HTR1E: variants seen among roughly 807,000 people sequenced by gnomAD.
HTR1E encodes the protein 5-HT-1E.
Under a neutral mutation model 3.4 loss-of-function variants are expected in HTR1E, and 3 were observed. The observed-to-expected ratio is 0.89, with a 90% CI of 0.41 to 2.31. The LOEUF (loss-of-function observed/expected upper bound fraction) is 2.31. HTR1E is among the 30% of genes most tolerant of loss of function. The pLI is 0.05. For missense variants in HTR1E, 392 were observed against 467.0 expected (o/e 0.84, Z 1.48); for synonymous variants, 170 against 182.8 (o/e 0.93, Z 0.56).
intron 1 of HTR1E, among the ~76,000 whole-genome samples, chr6:86,947,490 G>A (rs921233917): frequency 6.6e-6 from 1 of 151,830 alleles, no homozygotes; most frequent in African/African-American, 2.4e-5. Flanking sequence ...TATATCACAT[G>A]TTCATTGTAG....
intron 1 of HTR1E, among the ~76,000 whole-genome samples, chr6:86,995,769 T>C (rs530722735): frequency 8.8e-5 from 12 of 136,020 alleles, no homozygotes; most frequent in Non-Finnish European, 1.7e-4. Flanking sequence ...AGGTTGAAAG[T>C]AAAAGAGTAG....
intron 1 of HTR1E, among the ~76,000 whole-genome samples, chr6:86,941,418 G>A (rs563205804): frequency 6.6e-6 from 1 of 152,300 alleles, no homozygotes; most frequent in South Asian, 2.1e-4. Context: ...GTTTACTGCA[G>A]TCCTTACCTG....
intron 1 of HTR1E, among the ~76,000 whole-genome samples, chr6:86,938,767 G>A (rs1768506011): frequency 6.6e-6 from 1 of 152,284 alleles, no homozygotes; most frequent in South Asian, 2.1e-4. Context: ...AAATGGGTTG[G>A]GGGAGCAGTG....
intron 1 of HTR1E, among the ~76,000 whole-genome samples, chr6:86,995,266 C>T (rs552444870): frequency 5.6e-4 from 84 of 150,842 alleles, no homozygotes; most frequent in African/African-American, 2.1e-3. Context: ...GTCTGGGCAA[C>T]ATAGCAAGAC....
intron 1 of HTR1E, among the ~76,000 whole-genome samples, chr6:87,014,109 G>C (rs138209921): frequency 6.6e-6 from 1 of 152,028 alleles, no homozygotes; most frequent in Non-Finnish European, 1.5e-5. Context: ...CGGGCCTGTC[G>C]TGGGGTCGGG....
intron 1 of HTR1E, among the ~76,000 whole-genome samples, chr6:87,010,286 C>G (rs539275762): frequency 8.6e-6 from 1 of 116,454 alleles, no homozygotes; most frequent in Non-Finnish European, 1.7e-5. Context: ...CCTCACCTCC[C>G]GGACGGGGCG....
chr6:86,968,926 T>C (rs550013419), intron 1 of HTR1E, among the ~76,000 whole-genome samples: 101 of 151,002 alleles, frequency 6.7e-4, no homozygotes, highest in African/African-American at 2.3e-3. Flanking sequence ...TGATTTTTTA[T>C]GTAAATTGTT....
At chr6:87,012,647 C>T (rs1768254824) in intron 1 of HTR1E, among the ~76,000 whole-genome samples, 2 of 152,174 alleles carry the variant, frequency 1.3e-5, no homozygotes, top group South Asian at 2.1e-4. Flanking sequence ...AAATCTGTCT[C>T]CATTACCCAA....
Position 87,004,396 on chromosome 6 carries a change from A to G in HTR1E, c.-185-10754A>G, listed in dbSNP as rs566598673. On this transcript the variant is annotated intron_variant, in intron 1 of 1. Coordinates refer to ENST00000305344, the MANE Select transcript of HTR1E (RefSeq NM_000865.3). ...AAGAACACAATAAAGATTACTCATC[A>G]TGACTAAGTGGGATTTATCCCTGGG... Among the ~76,000 whole-genome samples, 7 of 152,350 alleles carry G rather than the reference A, an allele frequency of 4.6e-5. No homozygotes were observed. In the East Asian group the frequency reaches 1.4e-3, roughly 29 times the overall value.
intron 1 of HTR1E, among the ~76,000 whole-genome samples, chr6:86,985,369 G>T (rs944264493): frequency 2.0e-5 from 3 of 152,080 alleles, no homozygotes; most frequent in African/African-American, 7.2e-5. Flanking sequence ...AACTTTGTAG[G>T]ATTTCTTTAT....
intron 1 of HTR1E, among the ~76,000 whole-genome samples, chr6:86,999,334 C>G (rs1276426036): frequency 6.6e-6 from 1 of 151,914 alleles, no homozygotes; most frequent in African/African-American, 2.4e-5. Flanking sequence ...TACAGATATC[C>G]TCTAACAATA....
chr6:86,946,638 T>G (rs1034015540), intron 1 of HTR1E, among the ~76,000 whole-genome samples: 3 of 152,184 alleles, frequency 2.0e-5, no homozygotes. Context: ...CCATGGTCCT[T>G]TGAGGACAAC....
At chr6:86,996,642 A>G (rs1767943229) in intron 1 of HTR1E, among the ~76,000 whole-genome samples, 1 of 152,092 alleles carries the variant, frequency 6.6e-6, no homozygotes, top group East Asian at 1.9e-4. Context: ...ACATGTAAAT[A>G]TAACAACTTA....
At chr6:86,958,094 T>C (rs911244016) in intron 1 of HTR1E, among the ~76,000 whole-genome samples, 2 of 149,296 alleles carry the variant, frequency 1.3e-5, no homozygotes, top group African/African-American at 5.0e-5. Flanking sequence ...AGTCTCGCTC[T>C]GTCGCCCAGG....
intron 1 of HTR1E, among the ~76,000 whole-genome samples, chr6:86,938,142 T>TCTTTA (rs1400054793): frequency 2.2e-4 from 34 of 152,268 alleles, no homozygotes; most frequent in Middle Eastern, 3.4e-3. Flanking sequence ...AAAGATTAAA[T>TCTTTA]AGGTATGGAA....
intron 1 of HTR1E, among the ~76,000 whole-genome samples, chr6:86,947,957 C>T (rs1210883522): frequency 6.6e-6 from 1 of 152,134 alleles, no homozygotes; most frequent in Non-Finnish European, 1.5e-5. Context: ...CGGTGGTTCA[C>T]TGCACCTATC....
chr6:87,010,050 A>G (rs566218026), intron 1 of HTR1E, among the ~76,000 whole-genome samples: 176 of 47,162 alleles, frequency 3.7e-3, no homozygotes, highest in Admixed American at 5.0e-3. Context: ...GTGGCTGGCC[A>G]GGCGGGGGGC....
chr6:86,996,071 A>G (rs1445067771), intron 1 of HTR1E, among the ~76,000 whole-genome samples: 1 of 152,180 alleles, frequency 6.6e-6, no homozygotes, highest in Non-Finnish European at 1.5e-5. Context: ...GAACAAAATG[A>G]CAGAAAATCA....
At chr6:86,971,371 A>T (rs1242887227) in intron 1 of HTR1E, among the ~76,000 whole-genome samples, 1 of 152,140 alleles carries the variant, frequency 6.6e-6, no homozygotes, top group Admixed American at 6.5e-5. Flanking sequence ...AACTTTATGG[A>T]TTATAAAAAC....
Sources: allele counts gnomAD v4.1 joint callset (sites outside exome capture counted in the v4.1 genomes callset), GRCh38; gene constraint gnomAD v4.1.1; transcripts MANE v1.5; gene names NCBI Gene and HGNC (gene_info 2026-07-23, HGNC 2026-07-21).